AGBL1: variants seen among roughly 807,000 people sequenced by gnomAD.
AGBL1 encodes the protein AGBL carboxypeptidase 1.
AGBL1 carries 130 observed loss-of-function variants against 118.9 expected under a neutral mutation model. The observed-to-expected ratio is 1.09, with a 90% CI of 0.95 to 1.26. AGBL1 has a LOEUF of 1.26. AGBL1 is among the 50% of genes most tolerant of loss of function. AGBL1 has a pLI of 0.00. For synonymous variants in AGBL1, 555 were observed against 478.9 expected (o/e 1.16, Z -2.08); for missense variants, 1,584 against 1,298.1 (o/e 1.22, Z -3.38).
chr15:86,737,298 G>T (rs1271816648), intron 22 of AGBL1, among the ~76,000 whole-genome samples: 1 of 152,164 alleles, frequency 6.6e-6, no homozygotes, highest in Non-Finnish European at 1.5e-5. Context: ...GGATTTTGCT[G>T]AGGAGAGAAA....
intron 22 of AGBL1, among the ~76,000 whole-genome samples, chr15:86,896,517 T>C (rs764896767): frequency 2.6e-5 from 4 of 152,176 alleles, no homozygotes; most frequent in Admixed American, 6.5e-5. Context: ...TCTACATCTG[T>C]GTAATCTATG....
intron 17 of AGBL1, among the ~76,000 whole-genome samples, chr15:86,318,696 A>ATTTTTTTTTTTTTT (rs57988335): frequency 1.2e-5 from 1 of 81,950 alleles, no homozygotes. Flanking sequence ...TTGATCATAG[A>ATTTTTTTTTTTTTT]TTTTTTTTTT....
chr15:86,927,613 A>G lies in AGBL1; in HGVS notation c.3222-60374A>G, dbSNP rs2080558626. On this transcript the variant is annotated intron_variant, in intron 23 of 24. Transcript: ENST00000441037. Reference sequence around the variant, plus strand: ...GAAATAAATAAATAAAATTATTTTTAAAAAGTTACTTTAGGCTAAGATCTA... The same window carrying G: ...GAAATAAATAAATAAAATTATTTTTGAAAAGTTACTTTAGGCTAAGATCTA... Among the ~76,000 whole-genome samples, 2 of 152,330 alleles carry G rather than the reference A, an allele frequency of 1.3e-5. 1 individual carries two copies. The highest frequency in any genetic ancestry group is 4.1e-4 in the South Asian group (2 of 4,832).
At chr15:86,092,270 C>A (rs774795517) in intron 1 of AGBL1, among the ~76,000 whole-genome samples, 10 of 152,200 alleles carry the variant, frequency 6.6e-5, no homozygotes, top group South Asian at 4.1e-4. Context: ...AGAACCTATG[C>A]CATGTGATTG....
intron 21 of AGBL1, among the ~76,000 whole-genome samples, chr15:86,573,199 G>A (rs945897930): frequency 6.6e-6 from 1 of 152,196 alleles, no homozygotes; most frequent in Non-Finnish European, 1.5e-5. Flanking sequence ...GCAGATAATA[G>A]CCATTTCATC....
chr15:86,121,460 A>G (rs1898090899), intron 1 of AGBL1, among the ~76,000 whole-genome samples: 1 of 152,204 alleles, frequency 6.6e-6, no homozygotes, highest in Non-Finnish European at 1.5e-5. Flanking sequence ...GACCTTATTT[A>G]AGATTAGAGT....
intron 23 of AGBL1, among the ~76,000 whole-genome samples, chr15:86,933,873 G>C (rs2141639981): frequency 6.6e-6 from 1 of 152,278 alleles, no homozygotes; most frequent in East Asian, 1.9e-4. Flanking sequence ...ACTCTAGTTT[G>C]GATGTCAGGA....
At chr15:86,646,544 C>A (rs2085282256) in intron 21 of AGBL1, among the ~76,000 whole-genome samples, 1 of 152,268 alleles carries the variant, frequency 6.6e-6, no homozygotes, top group South Asian at 2.1e-4. Context: ...TGTTCCCTTC[C>A]CACACTCAAG....
chr15:86,837,317 G>A (rs189047230), intron 22 of AGBL1, among the ~76,000 whole-genome samples: 3 of 151,808 alleles, frequency 2.0e-5, no homozygotes, highest in Admixed American at 6.6e-5. Context: ...ACTATTGCAT[G>A]CTGGTCATTT....
intron 18 of AGBL1, among the ~76,000 whole-genome samples, chr15:86,450,305 A>G (rs1005108619): frequency 2.0e-5 from 3 of 152,172 alleles, no homozygotes; most frequent in Admixed American, 1.3e-4. Flanking sequence ...TTCCTTGTCA[A>G]ATCCCTACCC....
At chr15:86,831,725 C>T (rs2079106871) in intron 22 of AGBL1, among the ~76,000 whole-genome samples, 1 of 152,194 alleles carries the variant, frequency 6.6e-6, no homozygotes, top group Non-Finnish European at 1.5e-5. Context: ...TTTCCAGGCA[C>T]ATGGTACAAG....
intron 1 of AGBL1, among the ~76,000 whole-genome samples, chr15:86,130,576 T>C (rs1211475712): frequency 6.6e-6 from 1 of 152,236 alleles, no homozygotes. Context: ...CTCTATCATG[T>C]AATTTTTTGT....
At chr15:86,891,986 G>T (rs746860316) in intron 22 of AGBL1, among the ~76,000 whole-genome samples, 8 of 152,110 alleles carry the variant, frequency 5.3e-5, no homozygotes, top group Non-Finnish European at 8.8e-5. Flanking sequence ...TAAACTTTTA[G>T]CTATTGACCA....
chr15:87,011,595 G>C (rs2081560893), intron 24 of AGBL1, among the ~76,000 whole-genome samples: 1 of 152,128 alleles, frequency 6.6e-6, no homozygotes, highest in Non-Finnish European at 1.5e-5. Context: ...CAGTATGTTT[G>C]TGGGTACAGT....
At chr15:87,008,472 C>G (rs2081525974) in intron 24 of AGBL1, among the ~76,000 whole-genome samples, 2 of 152,162 alleles carry the variant, frequency 1.3e-5, no homozygotes, top group Admixed American at 1.3e-4. Flanking sequence ...CATTAAACCT[C>G]TTTTTCTTTC....
At chr15:86,224,454 C>T (rs569672817) in intron 5 of AGBL1, among the ~76,000 whole-genome samples, 1 of 152,208 alleles carries the variant, frequency 6.6e-6, no homozygotes, top group East Asian at 1.9e-4. Context: ...TCCACTGCAT[C>T]CCCAGGGGTA....
intron 21 of AGBL1, among the ~76,000 whole-genome samples, chr15:86,672,168 A>C (rs2085757918): frequency 6.6e-6 from 1 of 152,230 alleles, no homozygotes; most frequent in Non-Finnish European, 1.5e-5. Flanking sequence ...ATCAAAGGGC[A>C]AAATGGAATA....
At chr15:86,236,913 AC>A (rs1386045552) in intron 6 of AGBL1, among the ~76,000 whole-genome samples, 14 of 58,002 alleles carry the variant, frequency 2.4e-4, no homozygotes, top group Admixed American at 1.8e-3. Context: ...GATGTTCCAC[AC>A]ACACGGGGAT....
chr15:86,500,742 T>G (rs2142159649), intron 18 of AGBL1, among the ~76,000 whole-genome samples: 1 of 151,912 alleles, frequency 6.6e-6, no homozygotes, highest in Non-Finnish European at 1.5e-5. Context: ...ATAAATGGTA[T>G]GATATAATGT....
Sources: allele counts gnomAD v4.1 joint callset (sites outside exome capture counted in the v4.1 genomes callset), GRCh38; gene constraint gnomAD v4.1.1; transcripts MANE v1.5; gene names NCBI Gene and HGNC (gene_info 2026-07-23, HGNC 2026-07-21).